SLCO3A1: variants seen among roughly 807,000 people sequenced by gnomAD.
SLCO3A1 encodes PGE1 transporter.
A neutral mutation model predicts 63.1 loss-of-function variants in SLCO3A1; 27 were observed. That is an observed-to-expected ratio of 0.43 (90% CI 0.32 to 0.59). The LOEUF (loss-of-function observed/expected upper bound fraction) is 0.59, where lower values mean the gene tolerates loss of function less well. Among genes scored for constraint, SLCO3A1 ranks in the 20% least tolerant of loss-of-function variants. The pLI, the probability that SLCO3A1 is intolerant of heterozygous loss-of-function variation, is 0.09. For missense variants in SLCO3A1, 773 were observed against 945.8 expected, an observed-to-expected ratio of 0.82 and a Z score of 2.40; for synonymous variants, 473 against 409.9, an observed-to-expected ratio of 1.15 and a Z score of -1.86.
chr15:91,918,893 C>T (rs1898749186), intron 2 of SLCO3A1, among the ~76,000 whole-genome samples: 1 of 152,224 alleles, frequency 6.6e-6, no homozygotes, highest in South Asian at 2.1e-4. Flanking sequence ...CCCCTGGTTC[C>T]AGCTCCTGCA....
downstream of SLCO3A1, among the ~76,000 whole-genome samples, chr15:92,170,183 G>T (rs1172408458): frequency 6.6e-6 from 1 of 152,152 alleles, no homozygotes; most frequent in Non-Finnish European, 1.5e-5. Flanking sequence ...TGTTTGGCAA[G>T]ACCATTTGAT....
At chr15:92,093,847 C>T (rs751296526) in intron 2 of SLCO3A1, among the ~76,000 whole-genome samples, 13 of 152,040 alleles carry the variant, frequency 8.6e-5, no homozygotes, top group Non-Finnish European at 1.6e-4. Context: ...CTACCCTCCA[C>T]TGGGCTTAGG....
At position 92,087,036 on chromosome 15, in the gene SLCO3A1, A is replaced by C. The variant is rs113127220; in HGVS notation, c.647-7845A>C. ...ACCCCCAACATCATGAAGGTACTTT[A>C]CTCTGTCATTTTCTAGAAGCTTTTA... On this transcript the variant is annotated intron_variant, in intron 2 of 9. Transcript: ENST00000318445. Among the ~76,000 whole-genome samples the C allele has an allele frequency of 2.2e-3, 327 of 150,628 alleles. 2 individuals are homozygous for C. The highest frequency in any genetic ancestry group is 6.8e-3 in the African/African-American group (280 of 41,110).
intron 2 of SLCO3A1, among the ~76,000 whole-genome samples, chr15:92,068,107 G>A (rs951787300): frequency 2.0e-5 from 3 of 152,148 alleles, no homozygotes; most frequent in African/African-American, 7.2e-5. Context: ...GTGCACAAAC[G>A]TTCAGACCAT....
rs142446025 is a variant in SLCO3A1, at chr15:92,064,898, T to C, written c.647-29983T>C. 2.4e-3 allele frequency among the ~76,000 whole-genome samples: 366 copies of C among 152,262 alleles called. 3 individuals are homozygous for C. The highest frequency in any genetic ancestry group is 7.8e-3 in the African/African-American group (326 of 41,542). On this transcript the variant is annotated intron_variant, in intron 2 of 9. Coordinates refer to ENST00000318445, the MANE Select transcript of SLCO3A1 (RefSeq NM_013272.4). The stretch of plus-strand genomic sequence containing the variant: ...GGAAGGGGAAATGAAGACAGATTGG[T>C]TAATGAGTACAAAAATGCAGTTAGA...
intron 7 of SLCO3A1, among the ~76,000 whole-genome samples, chr15:92,133,140 C>A (rs907205045): frequency 6.9e-6 from 1 of 145,774 alleles, no homozygotes; most frequent in Non-Finnish European, 1.5e-5. Flanking sequence ...CAGATGCCAC[C>A]CCTGCCCTCC....
intron 1 of SLCO3A1, among the ~76,000 whole-genome samples, chr15:91,866,551 T>C (rs1897168798): frequency 6.6e-6 from 1 of 150,466 alleles, no homozygotes; most frequent in Non-Finnish European, 1.5e-5. Flanking sequence ...GTTCCCAGAA[T>C]TTCTCTGCAC....
At chr15:92,156,023 G>C (rs762714507) in intron 9 of SLCO3A1, among the ~76,000 whole-genome samples, 47 of 152,200 alleles carry the variant, frequency 3.1e-4, no homozygotes, top group Admixed American at 3.1e-3. Flanking sequence ...TTCCTGAGCA[G>C]ATTGTCCTTG....
At chr15:92,079,493 C>T (rs997138113) in intron 2 of SLCO3A1, among the ~76,000 whole-genome samples, 1 of 152,242 alleles carries the variant, frequency 6.6e-6, no homozygotes, top group Non-Finnish European at 1.5e-5. Context: ...CACGGTCTGT[C>T]CTCTGTACCT....
At chr15:92,040,022 C>T (rs182941647) in intron 2 of SLCO3A1, among the ~76,000 whole-genome samples, 27 of 152,192 alleles carry the variant, frequency 1.8e-4, no homozygotes, top group African/African-American at 6.5e-4. Flanking sequence ...AGTGAGAACA[C>T]ATGCACAAAC....
At chr15:92,146,525 C>A (rs144625492) in intron 7 of SLCO3A1, among the ~76,000 whole-genome samples, 1 of 152,116 alleles carries the variant, frequency 6.6e-6, no homozygotes, top group Non-Finnish European at 1.5e-5. Flanking sequence ...TTCCAAGTGC[C>A]GTGTTGGGCA....
intron 7 of SLCO3A1, among the ~76,000 whole-genome samples, chr15:92,143,008 C>G (rs1333152217): frequency 6.6e-6 from 1 of 151,972 alleles, no homozygotes; most frequent in South Asian, 2.1e-4. Context: ...TGGCGTCAGT[C>G]ACTCAACTCC....
At chr15:92,155,073 T>TGAGTAGGGGAGGAAGACACTGAGCTGGA (rs1298019729) in intron 9 of SLCO3A1, 16 of 152,190 alleles carry the variant, frequency 1.1e-4, no homozygotes, top group African/African-American at 3.9e-4. Flanking sequence ...TTTATGTTGT[T>TGAGTAGGGGAGGAAGACACTGAGCTGGA]GAGTAGGGGA....
In SLCO3A1 at chr15:91,916,301, C is replaced by T. The variant is rs1255419856; in HGVS notation, c.489C>T (p.Pro163=). Residue 163 remains proline (P), a synonymous_variant, in exon 2 of 10, where the codon CCC becomes CCT. Coordinates refer to ENST00000318445, the MANE Select transcript of SLCO3A1 (RefSeq NM_013272.4). This position sits in a 1 kb window ranked among gnomAD's most constrained non-coding sequence, Gnocchi z 6.2. ...NGSGGDEGPD[P]DLICRNRTAT... is the part of the protein sequence containing the mutation. ...CGGGCGGCGACGAGGGGCCCGACCC[C>T]GACCTCATCTGCCGCAACCGGACGG... 1 of 1,567,660 alleles carries T rather than the reference C, an allele frequency of 6.4e-7. No homozygotes were observed. The highest frequency in any genetic ancestry group is 8.6e-7 in the Non-Finnish European group (1 of 1,157,896).
chr15:92,131,489 C>T (rs2047996521), intron 7 of SLCO3A1, among the ~76,000 whole-genome samples: 1 of 144,112 alleles, frequency 6.9e-6, no homozygotes. Context: ...CTCAGCCTCC[C>T]AAGTAGCTGG....
intron 3 of SLCO3A1, among the ~76,000 whole-genome samples, chr15:92,102,062 C>T (rs1055294413): frequency 1.3e-5 from 2 of 152,086 alleles, no homozygotes; most frequent in Non-Finnish European, 2.9e-5. Flanking sequence ...CAAACAACTG[C>T]TAGGATTTCT....
At chr15:91,921,096 T>C (rs1434004377) in intron 2 of SLCO3A1, among the ~76,000 whole-genome samples, 2 of 152,218 alleles carry the variant, frequency 1.3e-5, no homozygotes, top group Non-Finnish European at 2.9e-5. Context: ...TATTTTCTTA[T>C]AGTTTTAGAG....
intron 2 of SLCO3A1, among the ~76,000 whole-genome samples, chr15:92,041,072 T>C (rs913032029): frequency 4.6e-5 from 7 of 152,110 alleles, no homozygotes; most frequent in Admixed American, 3.9e-4. Context: ...GAGCATTAAA[T>C]TGAATGTGAT....
chr15:92,054,806 A>AT (rs1384753753), intron 2 of SLCO3A1, among the ~76,000 whole-genome samples: 24 of 152,218 alleles, frequency 1.6e-4, no homozygotes, highest in African/African-American at 5.5e-4. Flanking sequence ...GCTGCATAGT[A>AT]TTCCATAGTG....
Sources: allele counts gnomAD v4.1 joint callset (sites outside exome capture counted in the v4.1 genomes callset), GRCh38; gene constraint gnomAD v4.1.1; non-coding constraint Gnocchi (gnomAD v3.1); transcripts MANE v1.5; gene names NCBI Gene and HGNC (gene_info 2026-07-23, HGNC 2026-07-21).